ARPC2: variants seen among roughly 807,000 people sequenced by gnomAD.
ARPC2 encodes actin related protein 2/3 complex subunit 2.
Under a neutral mutation model 38.6 loss-of-function variants are expected in ARPC2, and 4 were observed. That is an observed-to-expected ratio of 0.10 (90% CI 0.05 to 0.24). The LOEUF is 0.24. Among genes scored for constraint, ARPC2 ranks in the 10% least tolerant of loss-of-function variants. The probability of loss-of-function intolerance (pLI) is 1.00; values close to 1 mark genes in which losing one functional copy is unlikely to be tolerated. For synonymous variants in ARPC2, 125 were observed against 140.8 expected (o/e 0.89, Z 0.79); for missense variants, 229 against 387.3 (o/e 0.59, Z 3.43).
At chr2:218,225,190 A>AG (rs1689469535) in intron 2 of ARPC2, among the ~76,000 whole-genome samples, 1 of 152,204 alleles carries the variant, frequency 6.6e-6, no homozygotes, top group Non-Finnish European at 1.5e-5. Context: ...CAAAGGTGTA[A>AG]GGGTATTTGT....
Position 218,225,928 on chromosome 2 carries a change from C to T in ARPC2, c.83C>T (p.Pro28Leu), listed in dbSNP as rs200038830. The T allele has an allele frequency of 2.5e-6, 4 of 1,613,586 alleles. No homozygotes were observed. Among genetic ancestry groups the T allele is most frequent in the Non-Finnish European group, 3.4e-6 (4 of 1,179,654 alleles). ...TTTTTTGTTGTTTACAGAAACAAACCGGAAGCAGTAGAAGTAACATTTGCA... is the reference window on the plus strand; with the variant it reads ...TTTTTTGTTGTTTACAGAAACAAACTGGAAGCAGTAGAAGTAACATTTGCA... ...KFENAAAGNK[P>L]EAVEVTFADF... Residue 28 changes from proline to leucine, a missense_variant, in exon 3 of 11, where the codon CCG becomes CTG. By Grantham distance (98) the Pro-to-Leu change is moderately conservative (BLOSUM62 -3). This residue lies in a region of ARPC2 where 135 missense variants were observed against 214.1 expected (regional missense o/e 0.63). Transcript: ENST00000315717.
intron 2 of ARPC2, among the ~76,000 whole-genome samples, chr2:218,223,854 G>A (rs146280190): frequency 1.1e-4 from 16 of 152,154 alleles, no homozygotes; most frequent in African/African-American, 2.9e-4. Flanking sequence ...TCTTCCTCCC[G>A]CTCCTTTGTA....
intron 8 of ARPC2, among the ~76,000 whole-genome samples, chr2:218,248,543 C>T (rs943762119): frequency 1.3e-5 from 2 of 151,712 alleles, no homozygotes; most frequent in African/African-American, 4.9e-5. Context: ...TCACTGCAAC[C>T]TCCACCCCCC....
chr2:218,252,026 C>G (rs1690204464), intron 10 of ARPC2, among the ~76,000 whole-genome samples: 2 of 152,168 alleles, frequency 1.3e-5, no homozygotes, highest in East Asian at 3.9e-4. Flanking sequence ...TTGGAGACCT[C>G]CAGCCTGACC....
chr2:218,226,446 G>A (rs1689498901), intron 3 of ARPC2, among the ~76,000 whole-genome samples: 1 of 151,106 alleles, frequency 6.6e-6, no homozygotes, highest in African/African-American at 2.4e-5. Flanking sequence ...TGGCTAACAT[G>A]ATGAAACCCT....
At chr2:218,231,291 A>G (rs750643361) in intron 4 of ARPC2, among the ~76,000 whole-genome samples, 1 of 152,198 alleles carries the variant, frequency 6.6e-6, no homozygotes, top group Non-Finnish European at 1.5e-5. Context: ...TGAAGTGACA[A>G]GGAAGTGTTG....
chr2:218,221,235 G>T (rs558414221), intron 2 of ARPC2, among the ~76,000 whole-genome samples: 1 of 152,222 alleles, frequency 6.6e-6, no homozygotes, highest in Non-Finnish European at 1.5e-5. Flanking sequence ...GGTTCCATGG[G>T]GGGGAGTGAA....
intron 5 of ARPC2, chr2:218,235,532 C>G (rs146568296): frequency 6.6e-6 from 1 of 151,436 alleles, no homozygotes; most frequent in African/African-American, 2.4e-5. Context: ...TCCAAATTGG[C>G]GGGATGAATG....
In ARPC2 at chr2:218,217,554, CGCCCGGGGCCGGGGGTGGCGGGG is replaced by C; in HGVS notation, c.74+12_74+34del. Reference sequence around the variant, plus strand: ...AGAACGCGGCCGCCGGGTGAGCGCGCGCCCGGGGCCGGGGGTGGCGGGGGAAGCAGAGTTGACCCCAGCTAATC... The same window carrying C: ...AGAACGCGGCCGCCGGGTGAGCGCGCGAAGCAGAGTTGACCCCAGCTAATC... On this transcript the variant is annotated intron_variant, in intron 2 of 10. Transcript: ENST00000315717. 1 of 1,608,122 alleles carries C rather than the reference CGCCCGGGGCCGGGGGTGGCGGGG, an allele frequency of 6.2e-7. No individual in the cohort carries two copies. The highest frequency in any genetic ancestry group is 1.3e-5 in the African/African-American group (1 of 74,946).
At chr2:218,242,280 A>G (rs1015956256) in intron 7 of ARPC2, among the ~76,000 whole-genome samples, 3 of 152,226 alleles carry the variant, frequency 2.0e-5, no homozygotes, top group African/African-American at 7.2e-5. Context: ...ATTCCATGAA[A>G]AGCAATAGGA....
intron 5 of ARPC2, 51 bp from the exon 6 acceptor site, chr2:218,238,606 TTTTTTTA>T: frequency 3.1e-6 from 3 of 953,372 alleles, no homozygotes; most frequent in South Asian, 2.0e-5. Flanking sequence ...TTTTTTTTTT[TTTTTTTA>T]AATGTAACTG....
At chr2:218,229,702 A>G (rs1249639631) in intron 4 of ARPC2, among the ~76,000 whole-genome samples, 2 of 152,234 alleles carry the variant, frequency 1.3e-5, no homozygotes, top group African/African-American at 2.4e-5. Flanking sequence ...ATTTTTTAGC[A>G]TAAAAACTAA....
chr2:218,249,262 ACTTAAGCAGAGAGG>A, intron 8 of ARPC2, 88 bp from the exon 9 acceptor site: 2 of 763,784 alleles, frequency 2.6e-6, no homozygotes, highest in Admixed American at 2.6e-5. Context: ...AGTGGAGTGT[ACTTAAGCAGAGAGG>A]GAGTGATGTT....
chr2:218,238,491 T>A (rs1689827831), intron 5 of ARPC2, among the ~76,000 whole-genome samples, 173 bp from the exon 6 acceptor site: 1 of 152,056 alleles, frequency 6.6e-6, no homozygotes, highest in African/African-American at 2.4e-5. Context: ...TCTACCCAGG[T>A]TAAAAGTACA....
intron 4 of ARPC2, chr2:218,233,085 C>CT (rs1333432932): frequency 6.6e-6 from 1 of 152,134 alleles, no homozygotes; most frequent in Non-Finnish European, 1.5e-5. Context: ...TCACTTGAGC[C>CT]TAGAAGTTCA....
chr2:218,250,845 GTTTT>G (rs1690171304), intron 10 of ARPC2, among the ~76,000 whole-genome samples: 1 of 151,948 alleles, frequency 6.6e-6, no homozygotes, highest in Admixed American at 6.6e-5. Flanking sequence ...TCATTTGCTG[GTTTT>G]TGTTTGTTTG....
At chr2:218,234,515 G>A in intron 5 of ARPC2, 118 bp downstream of exon 5, 1 of 856,174 alleles carries the variant, frequency 1.2e-6, no homozygotes, top group East Asian at 2.6e-5. Context: ...TTCTGCATGA[G>A]CCCATTCCTA....
In ARPC2 at chr2:218,254,175, T is replaced by A. The variant is rs2106163140; in HGVS notation, c.*260T>A. ...CTTTTCTTTATCTTCCCTCCCTCACTTCCCTTTTCTCCCACCCTCTTTTCC... is the reference window on the plus strand; with the variant it reads ...CTTTTCTTTATCTTCCCTCCCTCACATCCCTTTTCTCCCACCCTCTTTTCC... On this transcript the variant is annotated 3_prime_UTR_variant, in exon 11 of 11. Transcript: ENST00000315717. The A allele has an allele frequency of 2.2e-6, 1 of 453,878 alleles. No homozygotes were observed. Among genetic ancestry groups the A allele is most frequent in the African/African-American group, 2.0e-5 (1 of 50,400 alleles). The allele number at this position is 453,878 out of a possible 1,614,324, so 28.1% of individuals were successfully genotyped here. A position where few individuals can be genotyped will look rare whatever the true frequency, so the allele number is the denominator to read the frequency against.
intron 10 of ARPC2, among the ~76,000 whole-genome samples, chr2:218,253,634 GTTGAATGTCC>G (rs1559485663): frequency 6.6e-6 from 1 of 152,226 alleles, no homozygotes; most frequent in Admixed American, 6.5e-5. Flanking sequence ...AACTTGGTAC[GTTGAATGTCC>G]TTGTGGGCTT....
Sources: gnomAD v4.1 joint callset for allele counts (sites outside exome capture counted in the v4.1 genomes callset) on GRCh38, gnomAD v4.1.1 for gene constraint, gnomAD v4.1.1 regional missense constraint, MANE v1.5 for transcripts, NCBI Gene and HGNC (gene_info 2026-07-23, HGNC 2026-07-21) for gene names.